SDK2: variants seen among roughly 807,000 people sequenced by gnomAD.
The protein encoded by SDK2 is sidekick cell adhesion molecule 2.
Under a neutral mutation model 253.9 loss-of-function variants are expected in SDK2, and 105 were observed. The ratio of observed to expected loss-of-function variants is 0.41; its 90% CI spans 0.35 to 0.49. The LOEUF (loss-of-function observed/expected upper bound fraction) is 0.49, where lower values mean the gene tolerates loss of function less well. Ranked by LOEUF, SDK2 falls within the 20% of genes least tolerant of loss-of-function variation. SDK2 has a pLI of 0.06. For synonymous variants in SDK2, 1,249 were observed against 1,234.9 expected, an observed-to-expected ratio of 1.01 and a Z score of -0.24; for missense variants, 2,608 against 3,003.0, an observed-to-expected ratio of 0.87 and a Z score of 3.07.
rs777834206 is a variant in SDK2, at chr17:73,423,477, G to C, written c.1806C>G (p.Thr602=). The C allele has an allele frequency of 3.8e-6, 6 of 1,590,942 alleles. No individual in the cohort carries two copies. The highest frequency in any genetic ancestry group is 5.1e-6 in the Non-Finnish European group (6 of 1,166,368). The change falls in exon 14 of 45, where the codon ACC becomes ACG. Residue 602 remains threonine, a synonymous_variant. Transcript: ENST00000392650. The part of the protein sequence containing the change: ...APEHPVATLS[T]VERRAINLTW... ...TCAGGTTGATGGCTCGCCTTTCCAC[G>C]GTGCTGAGAGTGGCCACTGGGTGCT...
At position 73,474,804 on chromosome 17, in the gene SDK2, G is replaced by A. The variant is rs531174996; in HGVS notation, c.225-2586C>T. Among the ~76,000 whole-genome samples the A allele has an allele frequency of 2.6e-5, 4 of 152,226 alleles. No individual in the cohort carries two copies. The South Asian group carries it at 6.2e-4, about 24-fold the overall frequency. ...GGGGAGATGGAAGAAGAGATGGGCC[G>A]GAAAAGCTCTCTGCCTTTGGAAATG... On this transcript the variant is annotated intron_variant, in intron 2 of 44. Transcript: ENST00000392650.
intron 2 of SDK2, among the ~76,000 whole-genome samples, chr17:73,474,944 C>A (rs1223221668): frequency 6.6e-6 from 1 of 152,180 alleles, no homozygotes; most frequent in East Asian, 1.9e-4. Context: ...ATCAAGACGA[C>A]AAGACCATGT....
chr17:73,590,927 A>C (rs1433640841), intron 1 of SDK2, among the ~76,000 whole-genome samples: 1 of 151,916 alleles, frequency 6.6e-6, no homozygotes, highest in Non-Finnish European at 1.5e-5. Context: ...ATGTTTATTT[A>C]TTTATTTTTG....
chr17:73,417,492 A>C (rs2063192513), intron 16 of SDK2, among the ~76,000 whole-genome samples: 1 of 152,048 alleles, frequency 6.6e-6, no homozygotes, highest in Admixed American at 6.6e-5. Flanking sequence ...TTCAAGGGTC[A>C]ACTGTAATTT....
chr17:73,392,689 CAT>C (rs990840312), intron 27 of SDK2, among the ~76,000 whole-genome samples: 11 of 152,220 alleles, frequency 7.2e-5, no homozygotes, highest in African/African-American at 2.4e-4. Context: ...CATATGCAAA[CAT>C]ATGGTATTTG....
In SDK2 at chr17:73,352,514, T is replaced by C. The variant is rs1046773682; in HGVS notation, c.5717A>G (p.Tyr1906Cys). The C allele has an allele frequency of 9.9e-6, 16 of 1,613,910 alleles. No individual in the cohort carries two copies. The highest frequency in any genetic ancestry group is 1.3e-5 in the Non-Finnish European group (15 of 1,179,866). ...YDFRVIAVND[Y>C]GFGTPSSPSQ... The stretch of plus-strand genomic sequence containing the variant: ...GGGGCTGCTGGGGGTGCCGAAACCA[T>C]AGTCGTTGACCGCGATGACCCGGAA... Residue 1906 changes from tyrosine (Y) to cysteine (C), a missense_variant, in exon 41 of 45, where the codon TAT becomes TGT. Tyr to Cys is a radical substitution (Grantham distance 194, BLOSUM62 -2). Around this residue, in one of 2 missense-constraint regions of SDK2, gnomAD observed 1,103 missense variants for 1,143.9 expected, o/e 0.96. Coordinates refer to ENST00000392650, the MANE Select transcript of SDK2 (RefSeq NM_001144952.2). The surrounding 1 kb of genome is among the most constrained non-coding windows in gnomAD (Gnocchi z 4.1).
At chr17:73,627,814 C>T (rs1310117436) in intron 1 of SDK2, among the ~76,000 whole-genome samples, 6 of 152,068 alleles carry the variant, frequency 3.9e-5, no homozygotes, top group Admixed American at 3.9e-4. Flanking sequence ...TTTGGGAGGC[C>T]GAGATTGGGC....
chr17:73,436,937 G>A (rs1331008685), intron 8 of SDK2, among the ~76,000 whole-genome samples: 2 of 151,984 alleles, frequency 1.3e-5, no homozygotes, highest in African/African-American at 2.4e-5. Context: ...TCTCCCTCCC[G>A]AGAATGTTAC....
chr17:73,454,593 CAG>C (rs1192445635), intron 4 of SDK2, among the ~76,000 whole-genome samples: 1 of 152,238 alleles, frequency 6.6e-6, no homozygotes, highest in African/African-American at 2.4e-5. Context: ...TTCTTCCTCA[CAG>C]AGTGTGGCTG....
rs8068279 is a variant in SDK2 at position 73,539,929 on chromosome 17, G to A, written c.65-32332C>T. ...ACGGGGTCATGCAGCTGTGGGCCAC[G>A]GTACCCAGGATGGGCAGCCCCCACC... On this transcript the variant is annotated intron_variant, in intron 1 of 44. Transcript: ENST00000392650. Among the ~76,000 whole-genome samples, 792 of 151,196 alleles carry A rather than the reference G, an allele frequency of 5.2e-3. 5 individuals carry two copies. The highest frequency in any genetic ancestry group is 0.019 in the African/African-American group (760 of 40,952).
intron 2 of SDK2, among the ~76,000 whole-genome samples, chr17:73,505,732 C>G (rs1170170905): frequency 6.6e-6 from 1 of 151,424 alleles, no homozygotes; most frequent in Non-Finnish European, 1.5e-5. Context: ...TCGTCAATAG[C>G]TGGACCTCAT....
intron 44 of SDK2, among the ~76,000 whole-genome samples, chr17:73,339,384 G>A (rs930714729): frequency 2.0e-5 from 3 of 151,822 alleles, no homozygotes; most frequent in African/African-American, 2.4e-5. Flanking sequence ...GTGCCACCAC[G>A]CCTGGCTAAT....
At chr17:73,479,889 C>T (rs947846912) in intron 2 of SDK2, among the ~76,000 whole-genome samples, 17 of 152,290 alleles carry the variant, frequency 1.1e-4, no homozygotes, top group African/African-American at 1.2e-4. Flanking sequence ...GATGGGGTTT[C>T]GCCATGTTGG....
chr17:73,416,061 CCAGAGCAGCG>C, intron 16 of SDK2, 69 bp from the exon 17 acceptor site: 6 of 1,437,938 alleles, frequency 4.2e-6, no homozygotes, highest in Non-Finnish European at 4.7e-6. Flanking sequence ...AGGAAATTGT[CCAGAGCAGCG>C]CTGTCCAATA....
At chr17:73,490,429 G>A (rs2145727847) in intron 2 of SDK2, among the ~76,000 whole-genome samples, 1 of 151,882 alleles carries the variant, frequency 6.6e-6, no homozygotes, top group South Asian at 2.1e-4. Flanking sequence ...CTTGCTGTGT[G>A]ACCTTAGGCA....
Position 73,388,026 on chromosome 17 carries a change from G to T in SDK2, c.4204C>A (p.Pro1402Thr), listed in dbSNP as rs781065583. ...VTTEKRDRPQ[P>T]PSRPMVQQED... ...TGCTGCACCATCGGCCTGCTGGGGG[G>T]CTGCGGACGGTCTGGGAGGTGGCAG... The change falls in exon 30 of 45, where the codon CCC becomes ACC. Residue 1402 changes from proline to threonine, a missense_variant. By Grantham distance (38) the Pro-to-Thr change is conservative. Around this residue, in one of 2 missense-constraint regions of SDK2, gnomAD observed 1,103 missense variants for 1,143.9 expected, o/e 0.96. Coordinates refer to ENST00000392650, the MANE Select transcript of SDK2 (RefSeq NM_001144952.2). 1.8e-5 allele frequency: 28 copies of T among 1,565,816 alleles called. 2 individuals carry two copies. In the South Asian group the frequency reaches 3.3e-4, roughly 18 times the overall value.
intron 6 of SDK2, among the ~76,000 whole-genome samples, chr17:73,438,855 C>T (rs1218676842): frequency 6.6e-6 from 1 of 152,068 alleles, no homozygotes; most frequent in East Asian, 1.9e-4. Flanking sequence ...TCAGAAGGGC[C>T]CCATGGAAAA....
intron 2 of SDK2, among the ~76,000 whole-genome samples, chr17:73,492,768 A>C (rs1366272032): frequency 6.6e-6 from 1 of 152,100 alleles, no homozygotes; most frequent in Non-Finnish European, 1.5e-5. Flanking sequence ...ACGAAGACAC[A>C]GGGGAGAGGT....
At chr17:73,442,478 A>G (rs955096715) in intron 5 of SDK2, among the ~76,000 whole-genome samples, 1 of 152,060 alleles carries the variant, frequency 6.6e-6, no homozygotes, top group Non-Finnish European at 1.5e-5. Flanking sequence ...AGTAGCTGGG[A>G]TGACAGGTGC....
Sources: gnomAD v4.1 joint callset for allele counts (sites outside exome capture counted in the v4.1 genomes callset) on GRCh38, gnomAD v4.1.1 for gene constraint, gnomAD v4.1.1 regional missense constraint, Gnocchi (gnomAD v3.1) non-coding constraint, MANE v1.5 for transcripts, NCBI Gene and HGNC (gene_info 2026-07-23, HGNC 2026-07-21) for gene names.